Variants in EHBP1L1 observed in about 807,000 individuals in gnomAD.
EHBP1L1 encodes the protein EH domain-binding protein 1-like protein 1.
A neutral mutation model predicts 151.1 loss-of-function variants in EHBP1L1; 122 were observed. That is an observed-to-expected ratio of 0.81 (90% CI 0.70 to 0.94). The LOEUF is 0.94. EHBP1L1 is among the 40% of genes least tolerant of loss of function. The pLI, the probability that EHBP1L1 is intolerant of heterozygous loss-of-function variation, is 0.00. For missense variants in EHBP1L1, 1,941 were observed against 1,959.8 expected, an observed-to-expected ratio of 0.99 and a Z score of 0.18; for synonymous variants, 878 against 810.1, an observed-to-expected ratio of 1.08 and a Z score of -1.42.
At chr11:65,578,482 C>T (rs1025515469) in intron 1 of EHBP1L1, among the ~76,000 whole-genome samples, 9 of 152,158 alleles carry the variant, frequency 5.9e-5, no homozygotes, top group Non-Finnish European at 1.3e-4. Context: ...TCAAGGAGAC[C>T]CCCAGGGGTT....
chr11:65,576,104 GA>G lies in EHBP1L1; in HGVS notation c.-198del. 2.8e-6 allele frequency: 1 copy of G among 356,068 alleles called. No individual in the cohort carries two copies. Among genetic ancestry groups the G allele is most frequent in the Non-Finnish European group, 4.9e-6 (1 of 202,580 alleles). The allele number at this position is 356,068 out of a possible 1,614,324, so 22.1% of individuals were successfully genotyped here. Reference sequence around the variant, plus strand: ...GCTCGCCACCCGACGCGCCCCAGGCGACCCCGCAGACTCAGCCAGACCACCC... The same window carrying G: ...GCTCGCCACCCGACGCGCCCCAGGCGCCCCGCAGACTCAGCCAGACCACCC... On this transcript the variant is annotated 5_prime_UTR_variant, in exon 1 of 19. Coordinates refer to ENST00000309295, the MANE Select transcript of EHBP1L1 (RefSeq NM_001099409.3).
At chr11:65,589,140 C>T (rs759788364) in intron 12 of EHBP1L1, among the ~76,000 whole-genome samples, 6 of 152,188 alleles carry the variant, frequency 3.9e-5, no homozygotes, top group Non-Finnish European at 7.4e-5. Flanking sequence ...CGTGGTGGCT[C>T]ACACCTGTAA....
chr11:65,584,653 C>G (rs1314232152), intron 11 of EHBP1L1, 119 bp downstream of exon 11: 1 of 1,294,806 alleles, frequency 7.7e-7, no homozygotes, highest in Non-Finnish European at 1.1e-6. Context: ...AGTTCTGCCA[C>G]TTTTTACCCC....
chr11:65,585,287 G>T lies in EHBP1L1; in HGVS notation c.3629G>T (p.Arg1210Met). ...ADGAAPGVAS[R>M]NAVAGRASKD... ...GGGGCGGCCCCGGGGGTGGCCTCCA[G>T]GAACGCGGTCGCGGGCCGCGCCTCC... Residue 1210 changes from arginine (R) to methionine (M), a missense_variant, in exon 12 of 19, where the codon AGG (arginine) becomes ATG (methionine). By Grantham distance (91) the Arg-to-Met change is moderately conservative (BLOSUM62 -1). Transcript: ENST00000309295. The surrounding 1 kb of genome is among the most constrained non-coding windows in gnomAD (Gnocchi z 4.0). 9.3e-7 allele frequency: 1 copy of T among 1,077,050 alleles called. No individual in the cohort carries two copies. The allele number at this position is 1,077,050 out of a possible 1,614,324, so 66.7% of individuals were successfully genotyped here. A position where few individuals can be genotyped will look rare whatever the true frequency, so the allele number is the denominator to read the frequency against.
chr11:65,588,658 A>G (rs1000737045), intron 12 of EHBP1L1, among the ~76,000 whole-genome samples: 45 of 152,204 alleles, frequency 3.0e-4, no homozygotes, highest in African/African-American at 1.0e-3. Flanking sequence ...GTGGGGGGCC[A>G]GGGCAGGAGC....
intron 3 of EHBP1L1, among the ~76,000 whole-genome samples, 160 bp from the exon 4 acceptor site, chr11:65,579,776 G>A (rs1482856767): frequency 2.0e-5 from 3 of 148,512 alleles, no homozygotes; most frequent in East Asian, 2.0e-4. Context: ...GCAGTGAGCC[G>A]AGATCGCACC....
chr11:65,584,120 T>C (rs1018317155), intron 9 of EHBP1L1, 121 bp from the exon 10 acceptor site: 111 of 1,496,950 alleles, frequency 7.4e-5, no homozygotes, highest in Non-Finnish European at 9.5e-5. Context: ...TAGCCAGTGG[T>C]CTCTGGTGAC....
At position 65,589,804 on chromosome 11, in the gene EHBP1L1, C is replaced by G. The variant is rs751264035; in HGVS notation, c.3987C>G (p.Asp1329Glu). ...CCCCAGGCCCACCCACAGCTGCAGACTCTCAACAGCCCCCTGGTGAGTAGC... is the reference window on the plus strand; with the variant it reads ...CCCCAGGCCCACCCACAGCTGCAGAGTCTCAACAGCCCCCTGGTGAGTAGC... Reference protein sequence around the residue: ...SPAPGPPTAADSQQPPGGSSP... With the variant: ...SPAPGPPTAAESQQPPGGSSP... Residue 1329 changes from aspartate (D) to glutamate (E), a missense_variant, in exon 13 of 19, where the codon GAC becomes GAG. Physicochemically the swap from Asp to Glu is conservative, Grantham distance 45 (BLOSUM62 2). Coordinates refer to ENST00000309295, the MANE Select transcript of EHBP1L1 (RefSeq NM_001099409.3). 3.8e-6 allele frequency: 6 copies of G among 1,563,718 alleles called. No homozygotes were observed. The highest frequency in any genetic ancestry group is 1.7e-4 in the Middle Eastern group (1 of 6,006).
In EHBP1L1 at chr11:65,580,079, A is replaced by G; in HGVS notation, c.313-2A>G. 1 of 1,612,614 alleles carries G rather than the reference A, an allele frequency of 6.2e-7. No individual in the cohort carries two copies. Among genetic ancestry groups the G allele is most frequent in the Non-Finnish European group, 8.5e-7 (1 of 1,178,884 alleles). On this transcript the variant is annotated splice_acceptor_variant, in intron 4 of 18. Coordinates refer to ENST00000309295, the MANE Select transcript of EHBP1L1 (RefSeq NM_001099409.3). LOFTEE classifies it high-confidence loss of function. ...TCTCCTGGTCTCTCCCCTGGCCCAC[A>G]GGAGTCTAAGGGGCAGCGGAAGGTG...
intron 12 of EHBP1L1, among the ~76,000 whole-genome samples, chr11:65,588,692 T>G (rs1858101092): frequency 6.6e-6 from 1 of 152,164 alleles, no homozygotes; most frequent in Non-Finnish European, 1.5e-5. Context: ...GGCTATCAGC[T>G]GAGTCGAAAG....
At chr11:65,588,014 T>C (rs1466792522) in intron 12 of EHBP1L1, among the ~76,000 whole-genome samples, 1 of 152,078 alleles carries the variant, frequency 6.6e-6, no homozygotes. Flanking sequence ...GGCCCAGCTC[T>C]GTATAAGGGG....
chr11:65,579,190 C>A, intron 2 of EHBP1L1, 55 bp downstream of exon 2: 5 of 1,527,474 alleles, frequency 3.3e-6, no homozygotes, highest in Non-Finnish European at 4.4e-6. Flanking sequence ...CGGTGGGAGG[C>A]TGATGGGGGC....
At position 65,582,717 on chromosome 11, in the gene EHBP1L1, C is replaced by G. The variant is rs762549962; in HGVS notation, c.2045C>G (p.Ser682Cys). The G allele has an allele frequency of 4.4e-5, 71 of 1,613,368 alleles. No individual in the cohort carries two copies. The highest frequency in any genetic ancestry group is 5.8e-5 in the Non-Finnish European group (69 of 1,179,830). Reference sequence around the variant, plus strand: ...GAGGTACTGGTGACCCAGGAGATATCTGGGGATTTAGGGCCACTGAAGATA... The same window carrying G: ...GAGGTACTGGTGACCCAGGAGATATGTGGGGATTTAGGGCCACTGAAGATA... ...ETEVLVTQEI[S>C]GDLGPLKIED... Residue 682 changes from serine to cysteine, a missense_variant, in exon 9 of 19, where the codon TCT (serine) becomes TGT (cysteine). By Grantham distance (112) the Ser-to-Cys change is moderately radical (BLOSUM62 -1). Transcript: ENST00000309295.
Position 65,585,148 on chromosome 11 carries a change from A to T in EHBP1L1, c.3490A>T (p.Ser1164Cys), listed in dbSNP as rs1311198506. ...GGGAGTYRVG[S>C]AQPSPPDDLD... The stretch of plus-strand genomic sequence containing the variant: ...CGGCGCCGGCACGTACCGCGTGGGC[A>T]GCGCCCAGCCCAGCCCGCCCGACGA... The change falls in exon 12 of 19, where the codon AGC becomes TGC. Residue 1164 changes from serine to cysteine, a missense_variant. Physicochemically the swap from Ser to Cys is moderately radical, Grantham distance 112. Coordinates refer to ENST00000309295, the MANE Select transcript of EHBP1L1 (RefSeq NM_001099409.3). The surrounding 1 kb of genome is among the most constrained non-coding windows in gnomAD (Gnocchi z 4.0). The T allele has an allele frequency of 5.6e-6, 8 of 1,436,818 alleles. No homozygotes were observed. Among genetic ancestry groups the T allele is most frequent in the Non-Finnish European group, 7.3e-6 (8 of 1,102,916 alleles). 89.0% of individuals were successfully genotyped at this position (1,436,818 alleles called of 1,614,324 possible).
Position 65,585,205 on chromosome 11 carries a change from C to T in EHBP1L1, c.3547C>T (p.Arg1183Cys), listed in dbSNP as rs1479865494. The T allele has an allele frequency of 4.3e-5, 51 of 1,177,506 alleles. No individual in the cohort carries two copies. The highest frequency in any genetic ancestry group is 4.9e-5 in the Non-Finnish European group (47 of 952,062). 72.9% of individuals were successfully genotyped at this position (1,177,506 alleles called of 1,614,324 possible). The stretch of plus-strand genomic sequence containing the variant: ...CGCCGGAGGCCTGGCGCAGCGGCTG[C>T]GCGGTCACGGGGCCGAGGGGCCCCA... ...LDAGGLAQRL[R>C]GHGAEGPQEP... Residue 1183 changes from arginine to cysteine, a missense_variant, in exon 12 of 19, where the codon CGC becomes TGC. Coordinates refer to ENST00000309295, the MANE Select transcript of EHBP1L1 (RefSeq NM_001099409.3). The surrounding 1 kb of genome is among the most constrained non-coding windows in gnomAD (Gnocchi z 4.0).
intron 12 of EHBP1L1, among the ~76,000 whole-genome samples, chr11:65,589,203 G>A (rs11227230): frequency 0.18 from 27,321 of 152,152 alleles, 2,776 homozygotes; most frequent in Middle Eastern, 0.33. Context: ...TCAGGAGTTC[G>A]AGACCAGCCT....
At chr11:65,578,207 G>A (rs1333512259) in intron 1 of EHBP1L1, 1 of 152,370 alleles carries the variant, frequency 6.6e-6, no homozygotes, top group Non-Finnish European at 1.5e-5. Context: ...TGCCCTCCAG[G>A]CTCCACTGTC....
rs779993363 is a variant in EHBP1L1, at chr11:65,581,894, TC to T, written c.1223del (p.Ser408Ter). On this transcript the variant is annotated frameshift_variant, in exon 9 of 19. Coordinates refer to ENST00000309295, the MANE Select transcript of EHBP1L1 (RefSeq NM_001099409.3). LOFTEE classifies it high-confidence loss of function. ...SGGREANTKR[S>X]GVRAGEAEES... ...AGGCAGAGAGGCAAACACTAAGAGGTCAGGAGTCAGAGCTGGGGAGGCTGAA... is the reference window on the plus strand; with the variant it reads ...AGGCAGAGAGGCAAACACTAAGAGGTAGGAGTCAGAGCTGGGGAGGCTGAA... 5 of 1,613,404 alleles carry T rather than the reference TC, an allele frequency of 3.1e-6. No homozygotes were observed. The highest frequency in any genetic ancestry group is 3.4e-6 in the Non-Finnish European group (4 of 1,179,734).
At position 65,590,550 on chromosome 11, in the gene EHBP1L1, A is replaced by G. The variant is rs1327006993; in HGVS notation, c.4241A>G (p.Lys1414Arg). The change falls in exon 16 of 19, where the codon AAG becomes AGG. Residue 1414 changes from lysine (K) to arginine (R), a missense_variant. Physicochemically the swap from Lys to Arg is conservative, Grantham distance 26. Coordinates refer to ENST00000309295, the MANE Select transcript of EHBP1L1 (RefSeq NM_001099409.3). ...CAGGAGTGGTTCACCCTGGTCAACA[A>G]GAAGAACGCTCTCATCCGGAGGCAG... ...LIQEWFTLVN[K>R]KNALIRRQDQ... 3.1e-6 allele frequency: 5 copies of G among 1,613,726 alleles called. No individual in the cohort carries two copies. The highest frequency in any genetic ancestry group is 3.4e-6 in the Non-Finnish European group (4 of 1,179,844).
Sources: allele counts gnomAD v4.1 joint callset (sites outside exome capture counted in the v4.1 genomes callset), GRCh38; gene constraint gnomAD v4.1.1; non-coding constraint Gnocchi (gnomAD v3.1); transcripts MANE v1.5; gene names NCBI Gene and HGNC (gene_info 2026-07-23, HGNC 2026-07-21).